Variants in LEPROT observed in about 807,000 individuals in gnomAD.
LEPROT encodes the protein leptin receptor gene-related protein.
LEPROT carries 3 observed loss-of-function variants against 15.4 expected under a neutral mutation model. That is an observed-to-expected ratio of 0.19 (90% CI 0.09 to 0.50). The LOEUF (loss-of-function observed/expected upper bound fraction) is 0.50, where lower values mean the gene tolerates loss of function less well. Among genes scored for constraint, LEPROT ranks in the 20% least tolerant of loss-of-function variants. The pLI, the probability that LEPROT is intolerant of heterozygous loss-of-function variation, is 0.97. For missense variants in LEPROT, 137 were observed against 162.2 expected, an observed-to-expected ratio of 0.84 and a Z score of 0.84; for synonymous variants, 59 against 57.5, an observed-to-expected ratio of 1.03 and a Z score of -0.12.
intron 1 of LEPROT, chr1:65,421,247 G>A (rs749898886): frequency 5.1e-5 from 71 of 1,388,390 alleles, no homozygotes; most frequent in Non-Finnish European, 6.5e-5. Flanking sequence ...CCAGAAAGAC[G>A]GTGTTTCTCG....
chr1:65,423,210 C>G (rs1448405849), intron 1 of LEPROT, among the ~76,000 whole-genome samples: 1 of 152,106 alleles, frequency 6.6e-6, no homozygotes, highest in African/African-American at 2.4e-5. Flanking sequence ...AGGACCTACT[C>G]TGGGCTGGAG....
intron 2 of LEPROT, among the ~76,000 whole-genome samples, chr1:65,425,731 A>G (rs927042350): frequency 1.1e-4 from 16 of 152,218 alleles, no homozygotes; most frequent in African/African-American, 3.4e-4. Flanking sequence ...ATGCCAGCAC[A>G]GTACGCTGGA....
chr1:65,421,259 A>G lies in LEPROT; in HGVS notation c.16+519A>G, dbSNP rs1646244015. 3 of 1,419,472 alleles carry G rather than the reference A, an allele frequency of 2.1e-6. No homozygotes were observed. The African/African-American group carries it at 4.3e-5, about 20-fold the overall frequency. The allele number at this position is 1,419,472 out of a possible 1,614,324, so 87.9% of individuals were successfully genotyped here. A position where few individuals can be genotyped will look rare whatever the true frequency, so the allele number is the denominator to read the frequency against. The stretch of plus-strand genomic sequence containing the variant: ...CACCCAGAAAGACGGTGTTTCTCGC[A>G]GTCGTGGAGAGTAGATTACGTGTAA... On this transcript the variant is annotated intron_variant, in intron 1 of 3. Transcript: ENST00000371065.
chr1:65,425,332 A>G lies in LEPROT; in HGVS notation c.46A>G (p.Ile16Val), dbSNP rs774829070. Residue 16 changes from isoleucine (I) to valine (V), a missense_variant, in exon 2 of 4, where the codon ATT becomes GTT. Ile to Val is a conservative substitution (Grantham distance 29). Transcript: ENST00000371065. ...CGTGGCATTATCCTTCAGTGGGGCT[A>G]TTGGACTGACTTTTCTTATGCTGGG... ...ALVALSFSGA[I>V]GLTFLMLGCA... 20 of 1,608,570 alleles carry G rather than the reference A, an allele frequency of 1.2e-5. No individual in the cohort carries two copies. The Middle Eastern group carries it at 4.9e-4, about 40-fold the overall frequency.
rs1646517097 is a variant in LEPROT at position 65,433,548 on chromosome 1, T to A, written c.*1629T>A. 2.0e-6 allele frequency: 2 copies of A among 985,434 alleles called. No individual in the cohort carries two copies. Among genetic ancestry groups the A allele is most frequent in the Non-Finnish European group, 2.4e-6 (2 of 829,922 alleles). The allele number at this position is 985,434 out of a possible 1,614,324, so 61.0% of individuals were successfully genotyped here. ...AACACTTAATCCTTGAGGCTTGTGA[T>A]CTGAGTAATTAGCAGGTATGATGCT... On this transcript the variant is annotated 3_prime_UTR_variant, in exon 4 of 4. Coordinates refer to ENST00000371065, the MANE Select transcript of LEPROT (RefSeq NM_017526.5).
chr1:65,423,908 C>T (rs1490641601), intron 1 of LEPROT, among the ~76,000 whole-genome samples: 2 of 152,164 alleles, frequency 1.3e-5, no homozygotes, highest in African/African-American at 2.4e-5. Context: ...ATACCTGAGT[C>T]AGTCAGCATT....
intron 2 of LEPROT, among the ~76,000 whole-genome samples, chr1:65,427,296 G>A (rs190681754): frequency 2.5e-4 from 38 of 152,162 alleles, no homozygotes; most frequent in Non-Finnish European, 3.7e-4. Flanking sequence ...GACAGAGCCC[G>A]GCCGTGGTGG....
Position 65,432,673 on chromosome 1 carries a change from A to ATTGG in LEPROT, c.*755_*758dup. ...CAAATTTATGAAAAGTGTTCTCAGA[A>ATTGG]TTGGGAGACAGTCAAAGGGTACAAA... On this transcript the variant is annotated 3_prime_UTR_variant, in exon 4 of 4. Coordinates refer to ENST00000371065, the MANE Select transcript of LEPROT (RefSeq NM_017526.5). The ATTGG allele has an allele frequency of 1.0e-6, 1 of 981,018 alleles. No individual in the cohort carries two copies. Among genetic ancestry groups the ATTGG allele is most frequent in the Non-Finnish European group, 1.2e-6 (1 of 825,956 alleles). The allele number at this position is 981,018 out of a possible 1,614,324, so 60.8% of individuals were successfully genotyped here.
At position 65,429,717 on chromosome 1, in the gene LEPROT, TC is replaced by T. The variant is rs1176992892; in HGVS notation, c.93-144del. 13 of 659,558 alleles carry T rather than the reference TC, an allele frequency of 2.0e-5. No homozygotes were observed. The African/African-American group carries it at 2.2e-4, about 11-fold the overall frequency. The allele number at this position is 659,558 out of a possible 1,614,324, so 40.9% of individuals were successfully genotyped here. A position where few individuals can be genotyped will look rare whatever the true frequency, so the allele number is the denominator to read the frequency against. ...ACTACTTATCTATCCCTGGTAGAAA[TC>T]ATCTTATGTTCTAATATTCACAATT... On this transcript the variant is annotated intron_variant, in intron 2 of 3. Transcript: ENST00000371065.
Position 65,431,844 on chromosome 1 carries a change from A to G in LEPROT, c.321A>G (p.Ala107=). The G allele has an allele frequency of 6.2e-7, 1 of 1,614,080 alleles. No individual in the cohort carries two copies. The highest frequency in any genetic ancestry group is 8.5e-7 in the Non-Finnish European group (1 of 1,179,948). The change falls in exon 4 of 4, where the codon GCA becomes GCG. Residue 107 remains alanine (A), a synonymous_variant. Transcript: ENST00000371065. The part of the protein sequence containing the change: ...GACGLVLAGN[A]VIFLTIQGFF... ...GCGGCCTTGTGTTGGCAGGCAATGC[A>G]GTCATTTTCCTTACAATTCAAGGGT... is the stretch of plus-strand genomic sequence containing the variant.
intron 1 of LEPROT, among the ~76,000 whole-genome samples, chr1:65,422,987 G>A (rs1489542455): frequency 6.6e-6 from 1 of 152,212 alleles, no homozygotes; most frequent in African/African-American, 2.4e-5. Context: ...GTAGCAGAGA[G>A]TTTAAGAAGT....
At chr1:65,425,619 C>T (rs1174213690) in intron 2 of LEPROT, among the ~76,000 whole-genome samples, 2 of 144,848 alleles carry the variant, frequency 1.4e-5, no homozygotes, top group African/African-American at 5.3e-5. Context: ...TGGGGACACA[C>T]AAATGAAGAG....
intron 2 of LEPROT, chr1:65,427,674 G>C (rs1411569148): frequency 5.7e-6 from 1 of 174,820 alleles, no homozygotes; most frequent in Non-Finnish European, 1.3e-5. Context: ...AAATCTAGGA[G>C]TTTTAATTCT....
rs1408721310 is a variant in LEPROT, at chr1:65,435,807, G to A, written c.*3888G>A. 5 of 981,814 alleles carry A rather than the reference G, an allele frequency of 5.1e-6. No homozygotes were observed. The highest frequency in any genetic ancestry group is 3.6e-6 in the Non-Finnish European group (3 of 826,794). 60.8% of individuals were successfully genotyped at this position (981,814 alleles called of 1,614,324 possible). A position where few individuals can be genotyped will look rare whatever the true frequency, so the allele number is the denominator to read the frequency against. On this transcript the variant is annotated 3_prime_UTR_variant, in exon 4 of 4. Coordinates refer to ENST00000371065, the MANE Select transcript of LEPROT (RefSeq NM_017526.5). The stretch of plus-strand genomic sequence containing the variant: ...TTATGTCTGTAGTAGATAAATATTA[G>A]TTGTGCATTTTAATTTAATTCTCCT...
chr1:65,433,144 T>G lies in LEPROT; in HGVS notation c.*1225T>G, dbSNP rs1382328455. Reference sequence around the variant, plus strand: ...TTACATTTCCTTTATGATCTGGCACTTCTCCCCAGCTCCTTCCCTCTGCCC... The same window carrying G: ...TTACATTTCCTTTATGATCTGGCACGTCTCCCCAGCTCCTTCCCTCTGCCC... On this transcript the variant is annotated 3_prime_UTR_variant, in exon 4 of 4. Transcript: ENST00000371065. The G allele has an allele frequency of 3.0e-6, 3 of 985,346 alleles. No homozygotes were observed. The East Asian group carries it at 3.4e-4, about 112-fold the overall frequency. The allele number at this position is 985,346 out of a possible 1,614,324, so 61.0% of individuals were successfully genotyped here.
At chr1:65,428,211 A>G (rs1410445176) in intron 2 of LEPROT, among the ~76,000 whole-genome samples, 1 of 152,194 alleles carries the variant, frequency 6.6e-6, no homozygotes, top group African/African-American at 2.4e-5. Context: ...TACATTTTAT[A>G]TATAAACAAG....
Position 65,431,942 on chromosome 1 carries a change from A to G in LEPROT, c.*23A>G, listed in dbSNP as rs1419922011. The G allele has an allele frequency of 1.2e-6, 2 of 1,607,150 alleles. No homozygotes were observed. The highest frequency in any genetic ancestry group is 2.2e-5 in the East Asian group (1 of 44,832). On this transcript the variant is annotated 3_prime_UTR_variant, in exon 4 of 4. Coordinates refer to ENST00000371065, the MANE Select transcript of LEPROT (RefSeq NM_017526.5). ...TAGCACTTTATTCTGATTACAGTGC[A>G]TTGAATTTCTTAGAACTCATACTAT... is the stretch of plus-strand genomic sequence containing the variant.
At position 65,425,381 on chromosome 1, in the gene LEPROT, A is replaced by C; in HGVS notation, c.92+3A>C. 6.3e-7 allele frequency: 1 copy of C among 1,594,392 alleles called. No homozygotes were observed. Among genetic ancestry groups the C allele is most frequent in the Non-Finnish European group, 8.5e-7 (1 of 1,173,992 alleles). ...GGATGTGCCTTAGAGGATTATGGGT[A>C]AGTTATCATTTCAAAAAGAACTATT... is the stretch of plus-strand genomic sequence containing the variant. On this transcript the variant is annotated splice_donor_region_variant and intron_variant, in intron 2 of 3. Transcript: ENST00000371065.
At position 65,435,715 on chromosome 1, in the gene LEPROT, G is replaced by A; in HGVS notation, c.*3796G>A. On this transcript the variant is annotated 3_prime_UTR_variant, in exon 4 of 4. Coordinates refer to ENST00000371065, the MANE Select transcript of LEPROT (RefSeq NM_017526.5). ...CGAAATCAGATTTTGTATCCCAATAGAACCAAAATATTTATGAGGATGCTA... is the reference window on the plus strand; with the variant it reads ...CGAAATCAGATTTTGTATCCCAATAAAACCAAAATATTTATGAGGATGCTA... The A allele has an allele frequency of 1.0e-6, 1 of 985,402 alleles. No individual in the cohort carries two copies. Among genetic ancestry groups the A allele is most frequent in the Non-Finnish European group, 1.2e-6 (1 of 829,914 alleles). 61.0% of individuals were successfully genotyped at this position (985,402 alleles called of 1,614,324 possible). A position where few individuals can be genotyped will look rare whatever the true frequency, so the allele number is the denominator to read the frequency against.
Sources: allele counts gnomAD v4.1 joint callset (sites outside exome capture counted in the v4.1 genomes callset), GRCh38; gene constraint gnomAD v4.1.1; transcripts MANE v1.5; gene names NCBI Gene and HGNC (gene_info 2026-07-23, HGNC 2026-07-21).